PDE4D: variants seen among roughly 807,000 people sequenced by gnomAD.
The protein encoded by PDE4D is phosphodiesterase 4D.
A neutral mutation model predicts 87.4 loss-of-function variants in PDE4D; 24 were observed. The observed-to-expected ratio is 0.27, with a 90% CI of 0.20 to 0.39. The LOEUF is 0.39. Ranked by LOEUF, PDE4D falls within the 10% of genes least tolerant of loss-of-function variation. PDE4D has a pLI of 1.00. For synonymous variants in PDE4D, 384 were observed against 383.2 expected (o/e 1.00, Z -0.02); for missense variants, 714 against 1,041.0 (o/e 0.69, Z 4.32).
chr5:59,617,459 C>T (rs1312100398), intron 1 of PDE4D, among the ~76,000 whole-genome samples: 1 of 152,186 alleles, frequency 6.6e-6, no homozygotes, highest in African/African-American at 2.4e-5. Flanking sequence ...GAAGTCCTAA[C>T]TCCTCGTACG....
chr5:59,045,581 GAT>G (rs1204663879), intron 5 of PDE4D, among the ~76,000 whole-genome samples: 2 of 120,310 alleles, frequency 1.7e-5, no homozygotes, highest in Non-Finnish European at 3.5e-5. Context: ...AAAAAAAAAA[GAT>G]GTGTGTGTCA....
At chr5:60,146,794 T>C (rs1269443079) in intron 2 of PDE4D, among the ~76,000 whole-genome samples, 4 of 152,072 alleles carry the variant, frequency 2.6e-5, no homozygotes, top group African/African-American at 9.7e-5. Context: ...AATAAATAAC[T>C]CATTTTTTAA....
At chr5:60,378,182 T>C (rs1205544842) in intron 1 of PDE4D, among the ~76,000 whole-genome samples, 1 of 152,200 alleles carries the variant, frequency 6.6e-6, no homozygotes, top group Non-Finnish European at 1.5e-5. Flanking sequence ...TACACTGGTA[T>C]TTCAATAAAT....
intron 1 of PDE4D, among the ~76,000 whole-genome samples, chr5:59,348,951 T>C (rs1780062739): frequency 6.6e-6 from 1 of 151,918 alleles, no homozygotes; most frequent in South Asian, 2.1e-4. Context: ...AATGGTAGGG[T>C]GCACCTGTAG....
chr5:59,653,361 G>A (rs1469759398), intron 1 of PDE4D, among the ~76,000 whole-genome samples: 4 of 151,926 alleles, frequency 2.6e-5, no homozygotes, highest in African/African-American at 9.7e-5. Context: ...CCGCCACCAC[G>A]CCTGGCTAAT....
intron 1 of PDE4D, among the ~76,000 whole-genome samples, chr5:59,707,653 A>G (rs779785036): frequency 6.6e-5 from 10 of 152,050 alleles, no homozygotes; most frequent in Middle Eastern, 3.4e-3. Context: ...TTTTCCTAAT[A>G]CTTTCCCTCA....
intron 1 of PDE4D, among the ~76,000 whole-genome samples, chr5:59,473,890 G>A (rs1802864412): frequency 6.6e-6 from 1 of 152,140 alleles, no homozygotes; most frequent in Non-Finnish European, 1.5e-5. Context: ...TGGGACAACA[G>A]AAGTCAGTTC....
intron 1 of PDE4D, among the ~76,000 whole-genome samples, chr5:60,266,406 T>C (rs767233288): frequency 6.6e-6 from 1 of 152,180 alleles, no homozygotes; most frequent in Non-Finnish European, 1.5e-5. Flanking sequence ...CTAAAATTTT[T>C]GTAGAGAAAG....
At position 59,197,461 on chromosome 5, in the gene PDE4D, C is replaced by T. The variant is rs989388155; in HGVS notation, c.648-3925G>A. On this transcript the variant is annotated intron_variant, in intron 2 of 14. Coordinates refer to ENST00000340635, the MANE Select transcript of PDE4D (RefSeq NM_001104631.2). Reference sequence around the variant, plus strand: ...TTCAGTGGCAGATGTCCTCGATAAACGGCAGGTTATAGCCTATCCATTTAT... The same window carrying T: ...TTCAGTGGCAGATGTCCTCGATAAATGGCAGGTTATAGCCTATCCATTTAT... Among the ~76,000 whole-genome samples the T allele has an allele frequency of 1.2e-4, 18 of 152,180 alleles. 1 individual carries two copies. The highest frequency in any genetic ancestry group is 6.2e-4 in the South Asian group (3 of 4,826).
intron 1 of PDE4D, among the ~76,000 whole-genome samples, chr5:59,800,230 A>G (rs1427083369): frequency 6.6e-6 from 1 of 152,082 alleles, no homozygotes; most frequent in Non-Finnish European, 1.5e-5. Flanking sequence ...AAGTTCCCAC[A>G]ATGGAACATG....
chr5:60,286,154 CATG>C (rs1020609606), intron 1 of PDE4D, among the ~76,000 whole-genome samples: 7 of 152,118 alleles, frequency 4.6e-5, no homozygotes, highest in South Asian at 2.1e-4. Flanking sequence ...ACCCGGGAAA[CATG>C]ATAATTCTTA....
At position 59,984,413 on chromosome 5, in the gene PDE4D, G is replaced by C. The variant is rs1337965347; in HGVS notation, c.272+4075C>G. 3.3e-5 allele frequency among the ~76,000 whole-genome samples: 5 copies of C among 152,126 alleles called. No individual in the cohort carries two copies. In the East Asian group the frequency reaches 9.6e-4, roughly 29 times the overall value. ...CCTACCCTGTACAGAAAGTTAACTGGCAGATGAATTCAGGGTTATAGGCAT... is the reference window on the plus strand; with the variant it reads ...CCTACCCTGTACAGAAAGTTAACTGCCAGATGAATTCAGGGTTATAGGCAT... On this transcript the variant is annotated intron_variant, in intron 3 of 16. Transcript: ENST00000502484.
At chr5:60,381,859 T>G (rs1036604385) in intron 1 of PDE4D, among the ~76,000 whole-genome samples, 12 of 151,972 alleles carry the variant, frequency 7.9e-5, no homozygotes, top group Non-Finnish European at 1.5e-4. Flanking sequence ...AGGAAAAGAT[T>G]AGAGAAAAAA....
chr5:59,655,036 T>C (rs947227850), intron 1 of PDE4D, among the ~76,000 whole-genome samples: 1 of 152,196 alleles, frequency 6.6e-6, no homozygotes, highest in African/African-American at 2.4e-5. Context: ...GTATTTTCAA[T>C]TCTTTTGGGT....
intron 3 of PDE4D, among the ~76,000 whole-genome samples, chr5:59,903,526 T>C (rs1394178922): frequency 2.0e-5 from 3 of 152,152 alleles, no homozygotes; most frequent in African/African-American, 7.2e-5. Flanking sequence ...TAAAGGTAAT[T>C]GCGATTTTTG....
chr5:59,661,831 A>T (rs1344710734), intron 1 of PDE4D, among the ~76,000 whole-genome samples: 3 of 152,222 alleles, frequency 2.0e-5, no homozygotes, highest in Non-Finnish European at 4.4e-5. Flanking sequence ...GGCCAGGATA[A>T]AGCTGTGGCT....
intron 1 of PDE4D, among the ~76,000 whole-genome samples, chr5:59,435,989 C>T (rs1008463407): frequency 4.6e-5 from 7 of 152,086 alleles, no homozygotes; most frequent in Admixed American, 4.6e-4. Flanking sequence ...CCTGGGCTAT[C>T]AGTTTCAGTT....
At chr5:59,219,334 A>G (rs1302210556) in intron 1 of PDE4D, among the ~76,000 whole-genome samples, 1 of 152,174 alleles carries the variant, frequency 6.6e-6, no homozygotes, top group Non-Finnish European at 1.5e-5. Context: ...AAATTTTGGC[A>G]CCACAAGTAT....
intron 1 of PDE4D, among the ~76,000 whole-genome samples, chr5:60,517,016 A>G (rs1412276336): frequency 1.3e-5 from 2 of 151,330 alleles, no homozygotes; most frequent in Non-Finnish European, 3.0e-5. Flanking sequence ...AGCCCAGGAA[A>G]CCCCCCTACC....
Sources: gnomAD v4.1 joint callset for allele counts (sites outside exome capture counted in the v4.1 genomes callset) on GRCh38, gnomAD v4.1.1 for gene constraint, MANE v1.5 for transcripts, NCBI Gene and HGNC (gene_info 2026-07-23, HGNC 2026-07-21) for gene names.